Variants in DAB1 observed in about 807,000 individuals in gnomAD.
DAB1 encodes the protein disabled homolog 1.
In DAB1, 15 loss-of-function variants were observed where a neutral mutation model predicts 64.6. The observed-to-expected ratio is 0.23, with a 90% CI of 0.16 to 0.36. The LOEUF (loss-of-function observed/expected upper bound fraction) is 0.36. DAB1 is among the 10% of genes least tolerant of loss of function. The probability of loss-of-function intolerance (pLI) is 1.00; values close to 1 mark genes in which losing one functional copy is unlikely to be tolerated. For missense variants in DAB1, 596 were observed against 706.7 expected (o/e 0.84, Z 1.78); for synonymous variants, 235 against 251.9 (o/e 0.93, Z 0.64).
intron 5 of DAB1, among the ~76,000 whole-genome samples, chr1:57,971,086 A>T (rs190909247): frequency 3.5e-4 from 53 of 152,296 alleles, no homozygotes; most frequent in Non-Finnish European, 5.1e-4. Context: ...CCATTTACAG[A>T]TGAGAAACAA....
intron 3 of DAB1, among the ~76,000 whole-genome samples, chr1:58,490,590 A>ACC (rs1645663518): frequency 3.3e-5 from 5 of 152,090 alleles, no homozygotes; most frequent in African/African-American, 1.2e-4. Flanking sequence ...AAATACAGAG[A>ACC]ATGCCACAAA....
chr1:57,257,618 A>G (rs1029497189), intron 2 of DAB1, among the ~76,000 whole-genome samples: 7 of 152,202 alleles, frequency 4.6e-5, no homozygotes, highest in South Asian at 2.1e-4. Flanking sequence ...ATTGTAATAA[A>G]TTCCCCCAAA....
At chr1:57,120,271 C>T (rs2100749760) in intron 4 of DAB1, among the ~76,000 whole-genome samples, 1 of 152,160 alleles carries the variant, frequency 6.6e-6, no homozygotes, top group South Asian at 2.1e-4. Context: ...TGAAATGAGA[C>T]CATTTTTACA....
At chr1:57,946,619 T>C (rs1287962890) in intron 5 of DAB1, among the ~76,000 whole-genome samples, 2 of 152,126 alleles carry the variant, frequency 1.3e-5, no homozygotes, top group Non-Finnish European at 2.9e-5. Context: ...CGGTCTGATA[T>C]ATATATTCCC....
chr1:58,451,458 T>C (rs543157406), intron 3 of DAB1, among the ~76,000 whole-genome samples: 12 of 152,280 alleles, frequency 7.9e-5, no homozygotes, highest in African/African-American at 2.6e-4. Flanking sequence ...AAAAAGTCTT[T>C]AGTGAAGAAA....
intron 7 of DAB1, among the ~76,000 whole-genome samples, chr1:57,599,093 A>G (rs149323300): frequency 1.1e-4 from 17 of 151,820 alleles, no homozygotes; most frequent in Non-Finnish European, 1.9e-4. Context: ...GACCCACCAT[A>G]GAATTCATAC....
chr1:58,026,219 A>G (rs1646892927), intron 5 of DAB1, among the ~76,000 whole-genome samples: 1 of 152,200 alleles, frequency 6.6e-6, no homozygotes, highest in Non-Finnish European at 1.5e-5. Flanking sequence ...AGTTACCAAA[A>G]GGAAAAAATT....
chr1:58,523,521 T>C (rs1646299573), intron 2 of DAB1, among the ~76,000 whole-genome samples: 1 of 152,108 alleles, frequency 6.6e-6, no homozygotes, highest in Non-Finnish European at 1.5e-5. Context: ...AATGTTGTGT[T>C]TGGGGGCAAG....
At chr1:58,319,136 G>A (rs1194753992) in intron 4 of DAB1, among the ~76,000 whole-genome samples, 2 of 152,218 alleles carry the variant, frequency 1.3e-5, no homozygotes, top group East Asian at 3.9e-4. Flanking sequence ...GGAGAAAGAG[G>A]GGGCTGGGGG....
chr1:57,666,319 C>T (rs1055043852), intron 6 of DAB1, among the ~76,000 whole-genome samples: 2 of 152,064 alleles, frequency 1.3e-5, no homozygotes, highest in African/African-American at 4.8e-5. Flanking sequence ...AAAGCAGGCA[C>T]ACATAATACA....
At chr1:58,390,210 A>G (rs1427507612) in intron 3 of DAB1, among the ~76,000 whole-genome samples, 3 of 152,220 alleles carry the variant, frequency 2.0e-5, no homozygotes, top group Admixed American at 1.3e-4. Flanking sequence ...GCCAGGCGGA[A>G]GACACACACA....
At chr1:57,621,311 G>A (rs1645856610) in intron 7 of DAB1, among the ~76,000 whole-genome samples, 1 of 150,858 alleles carries the variant, frequency 6.6e-6, no homozygotes, top group Admixed American at 6.6e-5. Flanking sequence ...GGGGAGAGTT[G>A]GCCTGAAAAT....
intron 5 of DAB1, among the ~76,000 whole-genome samples, chr1:58,044,890 A>C (rs1378582104): frequency 6.6e-6 from 1 of 152,208 alleles, no homozygotes. Context: ...GGCTGGTATT[A>C]TTAATATTCC....
In DAB1 at chr1:58,294,835, A is replaced by G. The variant is rs116178790; in HGVS notation, n.309+48517T>C. 4.4e-3 allele frequency among the ~76,000 whole-genome samples: 671 copies of G among 150,996 alleles called. 3 individuals carry two copies. Among genetic ancestry groups the G allele is most frequent in the African/African-American group, 0.016 (648 of 41,202 alleles). On this transcript the variant is annotated intron_variant and non_coding_transcript_variant, in intron 4 of 20. Coordinates refer to the DAB1 transcript ENST00000485760. ...TAGCATGCGGGATTTACACTCTTCT[A>G]AGCAGCAAAATGGCATGCTTGGTCC...
chr1:57,613,359 C>T (rs1645751118), intron 7 of DAB1, among the ~76,000 whole-genome samples: 3 of 152,160 alleles, frequency 2.0e-5, no homozygotes, highest in Admixed American at 6.5e-5. Context: ...CACTGAGAGC[C>T]TACAGCAGGT....
At chr1:58,249,631 A>C (rs1357429198) in intron 4 of DAB1, among the ~76,000 whole-genome samples, 1 of 151,934 alleles carries the variant, frequency 6.6e-6, no homozygotes, top group Non-Finnish European at 1.5e-5. Context: ...GCTCAAGACC[A>C]CAGGACTGAA....
At chr1:57,140,767 C>A (rs183131024) in intron 3 of DAB1, among the ~76,000 whole-genome samples, 1 of 152,100 alleles carries the variant, frequency 6.6e-6, no homozygotes. Flanking sequence ...AGCAATACCA[C>A]GTGCTAGGCA....
At chr1:57,341,960 C>T (rs1231547506) in intron 1 of DAB1, among the ~76,000 whole-genome samples, 1 of 152,206 alleles carries the variant, frequency 6.6e-6, no homozygotes, top group African/African-American at 2.4e-5. Context: ...TTGTCTGGTA[C>T]CTTATGCCAG....
chr1:58,175,049 C>T (rs6703149), intron 4 of DAB1, among the ~76,000 whole-genome samples: 8,237 of 152,310 alleles, frequency 0.054, 268 homozygotes, highest in Admixed American at 0.081. Flanking sequence ...GAGCCAGCAA[C>T]AGCAACCTGC....
Sources: gnomAD v4.1 joint callset for allele counts (sites outside exome capture counted in the v4.1 genomes callset) on GRCh38, gnomAD v4.1.1 for gene constraint, MANE v1.5 for transcripts, NCBI Gene and HGNC (gene_info 2026-07-23, HGNC 2026-07-21) for gene names.